Variants in BCAS1 observed in about 807,000 individuals in gnomAD.
BCAS1 encodes the protein brain enriched myelin associated protein 1, also known as breast carcinoma-amplified sequence 1.
Under a neutral mutation model 65.4 loss-of-function variants are expected in BCAS1, and 46 were observed. The observed-to-expected ratio is 0.70, with a 90% CI of 0.55 to 0.90. The LOEUF is 0.90. BCAS1 is among the 40% of genes least tolerant of loss of function. The probability of loss-of-function intolerance (pLI) is 0.00; values close to 1 mark genes in which losing one functional copy is unlikely to be tolerated. For missense variants in BCAS1, 793 were observed against 771.2 expected, an observed-to-expected ratio of 1.03 and a Z score of -0.33; for synonymous variants, 298 against 293.5, an observed-to-expected ratio of 1.02 and a Z score of -0.16.
At chr20:53,962,606 A>G (rs2089910886) in intron 10 of BCAS1, among the ~76,000 whole-genome samples, 1 of 152,210 alleles carries the variant, frequency 6.6e-6, no homozygotes, top group Non-Finnish European at 1.5e-5. Context: ...CTTTATAAAA[A>G]TACACCAGCA....
intron 10 of BCAS1, among the ~76,000 whole-genome samples, chr20:53,958,200 C>T (rs6091793): frequency 0.16 from 24,503 of 152,160 alleles, 2,129 homozygotes; most frequent in South Asian, 0.23. Flanking sequence ...TGAGGATTGT[C>T]TGAGTTTGAG....
In BCAS1 at chr20:53,996,164, T is replaced by C. The variant is rs147136796; in HGVS notation, c.724-114A>G. 1.1e-5 allele frequency: 12 copies of C among 1,113,032 alleles called. No individual in the cohort carries two copies. The East Asian group carries it at 2.9e-4, about 27-fold the overall frequency. The allele number at this position is 1,113,032 out of a possible 1,614,324, so 68.9% of individuals were successfully genotyped here. On this transcript the variant is annotated intron_variant, in intron 4 of 12. Transcript: ENST00000688948. ...CCCCTAATTCCAGCCATACTTCTTC[T>C]GCCCACAGGCGTGCAGAACAATCAT...
intron 3 of BCAS1, among the ~76,000 whole-genome samples, chr20:54,043,392 C>G (rs1313161008): frequency 6.6e-6 from 1 of 152,116 alleles, no homozygotes; most frequent in African/African-American, 2.4e-5. Flanking sequence ...AAATAAACCT[C>G]ACACTATCGG....
At chr20:53,996,573 A>G (rs1189264322) in intron 4 of BCAS1, among the ~76,000 whole-genome samples, 1 of 151,822 alleles carries the variant, frequency 6.6e-6, no homozygotes, top group Admixed American at 6.6e-5. Flanking sequence ...GTGATAGGGG[A>G]ACTGATTTTC....
chr20:54,043,739 G>A (rs1444824244), intron 3 of BCAS1, among the ~76,000 whole-genome samples: 2 of 152,142 alleles, frequency 1.3e-5, no homozygotes, highest in Non-Finnish European at 2.9e-5. Flanking sequence ...GACTCAGGAG[G>A]TCTGGGCTCC....
At chr20:54,017,325 G>A (rs1374062323) in intron 4 of BCAS1, among the ~76,000 whole-genome samples, 1 of 151,800 alleles carries the variant, frequency 6.6e-6, no homozygotes, top group Non-Finnish European at 1.5e-5. Flanking sequence ...GCTTTGCTTT[G>A]GGGATAGTCC....
chr20:54,063,345 T>C (rs1484885700), intron 1 of BCAS1, among the ~76,000 whole-genome samples: 1 of 152,200 alleles, frequency 6.6e-6, no homozygotes, highest in Non-Finnish European at 1.5e-5. Flanking sequence ...ATAAGCAAAG[T>C]GCCCTGAACA....
At chr20:53,954,023 T>A (rs570420924) in intron 11 of BCAS1, among the ~76,000 whole-genome samples, 1 of 152,302 alleles carries the variant, frequency 6.6e-6, no homozygotes, top group African/African-American at 2.4e-5. Context: ...AGGCAAACTA[T>A]TTCCACCTCC....
At chr20:53,983,864 GCT>G (rs1171244082) in intron 8 of BCAS1, among the ~76,000 whole-genome samples, 2 of 151,960 alleles carry the variant, frequency 1.3e-5, no homozygotes, top group East Asian at 3.9e-4. Flanking sequence ...TAGTCTGAAG[GCT>G]CTCTGTACCT....
intron 4 of BCAS1, among the ~76,000 whole-genome samples, chr20:53,998,526 C>A (rs1488823932): frequency 6.6e-6 from 1 of 152,136 alleles, no homozygotes; most frequent in East Asian, 1.9e-4. Context: ...TGCAAATGAC[C>A]ATATCATGTG....
At chr20:53,973,800 AGAAG>A (rs1268706282) in intron 9 of BCAS1, among the ~76,000 whole-genome samples, 3 of 152,282 alleles carry the variant, frequency 2.0e-5, no homozygotes, top group African/African-American at 4.8e-5. Flanking sequence ...AAGAAAGAAA[AGAAG>A]GAAGGAAGGA....
intron 3 of BCAS1, among the ~76,000 whole-genome samples, chr20:54,049,433 A>C (rs1456318119): frequency 6.6e-6 from 1 of 152,214 alleles, no homozygotes; most frequent in Non-Finnish European, 1.5e-5. Flanking sequence ...GAATCAAAGA[A>C]GGCCAAAAAT....
chr20:54,024,289 C>T (rs158544), intron 4 of BCAS1, among the ~76,000 whole-genome samples: 2,801 of 152,266 alleles, frequency 0.018, 60 homozygotes, highest in East Asian at 0.086. Context: ...CCAATTCTAC[C>T]ACTAAACAGT....
chr20:53,959,025 A>T (rs1287095691), intron 10 of BCAS1, among the ~76,000 whole-genome samples: 1 of 152,152 alleles, frequency 6.6e-6, no homozygotes, highest in Non-Finnish European at 1.5e-5. Flanking sequence ...GGATGACCAA[A>T]CTCAAATGTG....
chr20:54,020,955 G>C (rs910574827), intron 4 of BCAS1, among the ~76,000 whole-genome samples: 3 of 152,204 alleles, frequency 2.0e-5, no homozygotes, highest in South Asian at 4.1e-4. Flanking sequence ...AGTTAAATTA[G>C]AAAACTAATG....
At chr20:53,985,197 A>T (rs567816675) in intron 8 of BCAS1, 90 bp downstream of exon 8, 3 of 1,260,188 alleles carry the variant, frequency 2.4e-6, no homozygotes, top group Non-Finnish European at 3.4e-6. Context: ...CCTTCCATAC[A>T]TTGTTGAGTA....
intron 3 of BCAS1, 29 bp from the exon 4 acceptor site, chr20:54,029,001 T>C (rs1600925127): frequency 1.3e-6 from 2 of 1,569,904 alleles, no homozygotes; most frequent in Non-Finnish European, 1.7e-6. Flanking sequence ...ACAGTGGTTA[T>C]TCAGCCAAGC....
chr20:54,016,998 G>C (rs2091452481), intron 4 of BCAS1, among the ~76,000 whole-genome samples: 1 of 152,214 alleles, frequency 6.6e-6, no homozygotes, highest in African/African-American at 2.4e-5. Context: ...GGTAGCAGAA[G>C]TCTAGCCCAG....
intron 4 of BCAS1, among the ~76,000 whole-genome samples, chr20:54,008,832 G>A (rs2091260203): frequency 6.6e-6 from 1 of 150,450 alleles, no homozygotes; most frequent in African/African-American, 2.4e-5. Flanking sequence ...TTGAGACGGA[G>A]TCTTGCTCTG....
Sources: allele counts gnomAD v4.1 joint callset (sites outside exome capture counted in the v4.1 genomes callset), GRCh38; gene constraint gnomAD v4.1.1; transcripts MANE v1.5; gene names NCBI Gene and HGNC (gene_info 2026-07-23, HGNC 2026-07-21).